The following ZBTB26 variants were observed in gnomAD, a reference collection of about 807,000 sequenced individuals.
ZBTB26 encodes zinc finger and BTB domain-containing protein 26.
ZBTB26 carries 12 observed loss-of-function variants against 31.6 expected under a neutral mutation model. That is an observed-to-expected ratio of 0.38 (90% confidence interval 0.24 to 0.61). The LOEUF (loss-of-function observed/expected upper bound fraction) is 0.61. ZBTB26 is among the 20% of genes least tolerant of loss of function. The pLI is 0.60. For synonymous variants in ZBTB26, 155 were observed against 182.9 expected (o/e 0.85, Z 1.23); for missense variants, 311 against 521.9 (o/e 0.60, Z 3.94).
At position 122,919,371 on chromosome 9, in the gene ZBTB26, A is replaced by G. The variant is rs1330131752; in HGVS notation, c.564T>C (p.Ile188=). The stretch of plus-strand genomic sequence containing the variant: ...TACTTCTAACCTCTGATACATCCCC[A>G]ATAGATTCTACCTTAACAATCTGAA... ...SDIQIVKVES[I]GDVSEVRSKK... is the part of the protein sequence containing the mutation. The change falls in exon 2 of 2, where the codon ATT becomes ATC. Residue 188 remains isoleucine, a synonymous_variant. Transcript: ENST00000373656. This position sits in a 1 kb window ranked among gnomAD's most constrained non-coding sequence, Gnocchi z 6.1. The G allele has an allele frequency of 6.2e-7, 1 of 1,614,082 alleles. No individual in the cohort carries two copies. Among genetic ancestry groups the G allele is most frequent in the East Asian group, 2.2e-5 (1 of 44,898 alleles).
At chr9:122,927,309 T>C (rs960963168) in intron 1 of ZBTB26, among the ~76,000 whole-genome samples, 13 of 152,240 alleles carry the variant, frequency 8.5e-5, no homozygotes, top group Admixed American at 2.6e-4. Flanking sequence ...CAAATGAGGA[T>C]AGTAAAAAAT....
chr9:122,924,753 G>C (rs536969897), intron 1 of ZBTB26, among the ~76,000 whole-genome samples: 6 of 151,966 alleles, frequency 3.9e-5, no homozygotes, highest in African/African-American at 1.4e-4. Context: ...AGCCTCCTGA[G>C]TAGCCAGGAC....
At chr9:122,929,713 A>G (rs1406191636) in intron 1 of ZBTB26, among the ~76,000 whole-genome samples, 1 of 152,136 alleles carries the variant, frequency 6.6e-6, no homozygotes, top group African/African-American at 2.4e-5. Context: ...CCTTATTCCC[A>G]TTTAACACCA....
At chr9:122,922,597 T>C (rs1338049510) in intron 1 of ZBTB26, among the ~76,000 whole-genome samples, 1 of 152,200 alleles carries the variant, frequency 6.6e-6, no homozygotes, top group Non-Finnish European at 1.5e-5. Context: ...TGTATTCCCA[T>C]CGCCTAAGAC....
rs763812965 is a variant in ZBTB26 at position 122,919,472 on chromosome 9, C to A, written c.463G>T (p.Ala155Ser). 6.2e-7 allele frequency: 1 copy of A among 1,614,186 alleles called. No homozygotes were observed. Among genetic ancestry groups the A allele is most frequent in the East Asian group, 2.2e-5 (1 of 44,882 alleles). Residue 155 changes from alanine to serine, a missense_variant, in exon 2 of 2, where the codon GCC becomes TCC. Transcript: ENST00000373656. The surrounding 1 kb of genome is among the most constrained non-coding windows in gnomAD (Gnocchi z 6.1). ...SPQSKEQQGD[A>S]RGSPKQDSPC... ...GAGTCCTGCTTTGGGGAGCCTCTGG[C>A]ATCTCCCTGCTGTTCTTTTGACTGG...
chr9:122,923,883 C>G (rs998546590), intron 1 of ZBTB26, among the ~76,000 whole-genome samples: 2 of 152,102 alleles, frequency 1.3e-5, no homozygotes, highest in African/African-American at 4.8e-5. Flanking sequence ...AATATAATAC[C>G]ATATTTTTAC....
intron 1 of ZBTB26, among the ~76,000 whole-genome samples, chr9:122,930,602 C>A (rs1833258492): frequency 6.6e-6 from 1 of 152,164 alleles, no homozygotes; most frequent in Non-Finnish European, 1.5e-5. Context: ...CCGAACTCTT[C>A]AAAAAACTAC....
At chr9:122,920,022 C>G in intron 1 of ZBTB26, 78 bp from the exon 2 acceptor site, 2 of 1,449,810 alleles carry the variant, frequency 1.4e-6, no homozygotes, top group Non-Finnish European at 1.8e-6. Flanking sequence ...CTTCCAAAAA[C>G]AAATCTGTGT....
intron 1 of ZBTB26, among the ~76,000 whole-genome samples, chr9:122,930,705 C>T (rs903337830): frequency 7.2e-5 from 11 of 152,176 alleles, no homozygotes; most frequent in African/African-American, 2.7e-4. Context: ...CCCCCCATTT[C>T]CTCCTCTTCC....
intron 1 of ZBTB26, among the ~76,000 whole-genome samples, chr9:122,920,999 G>A (rs1047041603): frequency 3.9e-5 from 6 of 152,066 alleles, no homozygotes; most frequent in Admixed American, 6.5e-5. Flanking sequence ...GTGACTTCCC[G>A]TTGTCTCCTG....
chr9:122,925,979 C>T (rs779775087), intron 1 of ZBTB26, among the ~76,000 whole-genome samples: 17 of 151,860 alleles, frequency 1.1e-4, no homozygotes, highest in Non-Finnish European at 1.9e-4. Context: ...AGGCTGGTCT[C>T]GAACTCCCGA....
Position 122,918,933 on chromosome 9 carries a change from G to T in ZBTB26, c.1002C>A (p.Thr334=). Residue 334 remains threonine (T), a synonymous_variant, in exon 2 of 2, where the codon ACC becomes ACA. Coordinates refer to ENST00000373656, the MANE Select transcript of ZBTB26 (RefSeq NM_020924.4). ...KPFQCKICGK[T]FSQKCSLQDH... is the part of the protein sequence containing the mutation. ...CCTGTAAGGAACACTTCTGAGAAAAGGTTTTCCCACAGATTTTACACTGGA... is the reference window on the plus strand; with the variant it reads ...CCTGTAAGGAACACTTCTGAGAAAATGTTTTCCCACAGATTTTACACTGGA... The T allele has an allele frequency of 1.2e-6, 2 of 1,614,178 alleles. No individual in the cohort carries two copies. Among genetic ancestry groups the T allele is most frequent in the Non-Finnish European group, 1.7e-6 (2 of 1,180,036 alleles).
intron 1 of ZBTB26, among the ~76,000 whole-genome samples, chr9:122,920,907 T>A (rs1475126574): frequency 6.6e-6 from 1 of 152,192 alleles, no homozygotes; most frequent in East Asian, 1.9e-4. Flanking sequence ...CTGCTTATGT[T>A]CCCTCTAATA....
intron 1 of ZBTB26, among the ~76,000 whole-genome samples, chr9:122,928,572 C>G (rs1051821234): frequency 3.9e-5 from 6 of 152,182 alleles, no homozygotes; most frequent in Admixed American, 1.3e-4. Flanking sequence ...TGAGGCTTCA[C>G]TAAATTGTAT....
rs1485774837 is a variant in ZBTB26, at chr9:122,918,183, A to G, written c.*426T>C. The G allele has an allele frequency of 1.9e-5, 3 of 159,096 alleles. No homozygotes were observed. The highest frequency in any genetic ancestry group is 4.1e-5 in the Non-Finnish European group (3 of 72,618). The allele number at this position is 159,096 out of a possible 1,614,324, so 9.9% of individuals were successfully genotyped here. Reference sequence around the variant, plus strand: ...ATCACATTTTCAGGTCAATAGCAATATCACCTTATATCTCAGCCTATTTTC... The same window carrying G: ...ATCACATTTTCAGGTCAATAGCAATGTCACCTTATATCTCAGCCTATTTTC... On this transcript the variant is annotated 3_prime_UTR_variant, in exon 2 of 2. Coordinates refer to ENST00000373656, the MANE Select transcript of ZBTB26 (RefSeq NM_020924.4).
At chr9:122,929,310 C>T (rs963548989) in intron 1 of ZBTB26, among the ~76,000 whole-genome samples, 2 of 152,188 alleles carry the variant, frequency 1.3e-5, no homozygotes, top group Non-Finnish European at 2.9e-5. Context: ...ACATATCAAA[C>T]ATAAATCCTT....
intron 1 of ZBTB26, among the ~76,000 whole-genome samples, chr9:122,923,028 A>G (rs1833124790): frequency 6.6e-6 from 1 of 151,988 alleles, no homozygotes; most frequent in Non-Finnish European, 1.5e-5. Flanking sequence ...TACTAAAAAC[A>G]CAAAAAATTA....
At chr9:122,923,307 C>T (rs1264096597) in intron 1 of ZBTB26, among the ~76,000 whole-genome samples, 7 of 151,968 alleles carry the variant, frequency 4.6e-5, no homozygotes, top group African/African-American at 1.7e-4. Context: ...CATAATCTTT[C>T]CCCTTGTATG....
intron 1 of ZBTB26, among the ~76,000 whole-genome samples, chr9:122,926,860 C>T (rs1833190563): frequency 6.6e-6 from 1 of 152,096 alleles, no homozygotes; most frequent in Admixed American, 6.6e-5. Flanking sequence ...GCAAATAAAG[C>T]AGACAATAAA....
Sources: allele counts gnomAD v4.1 joint callset (sites outside exome capture counted in the v4.1 genomes callset), GRCh38; gene constraint gnomAD v4.1.1; non-coding constraint Gnocchi (gnomAD v3.1); transcripts MANE v1.5; gene names NCBI Gene and HGNC (gene_info 2026-07-23, HGNC 2026-07-21).